ERBB4: variants seen among roughly 807,000 people sequenced by gnomAD.
ERBB4 encodes the protein receptor tyrosine-protein kinase erbB-4.
In ERBB4, 42 loss-of-function variants were observed where a neutral mutation model predicts 158.0. The observed-to-expected ratio is 0.27, with a 90% CI of 0.21 to 0.34. The LOEUF is 0.34. ERBB4 is among the 10% of genes least tolerant of loss of function. ERBB4 has a pLI of 1.00. For missense variants in ERBB4, 1,333 were observed against 1,624.1 expected (o/e 0.82, Z 3.08); for synonymous variants, 583 against 558.7 (o/e 1.04, Z -0.61).
intron 1 of ERBB4, among the ~76,000 whole-genome samples, chr2:212,231,993 G>A (rs78695791): frequency 0.025 from 3,731 of 151,884 alleles, 116 homozygotes; most frequent in African/African-American, 0.077. Context: ...TGTGTACTTC[G>A]CCTCAGATGA....
At chr2:212,277,989 C>T (rs559158050) in intron 1 of ERBB4, among the ~76,000 whole-genome samples, 1 of 151,638 alleles carries the variant, frequency 6.6e-6, no homozygotes, top group South Asian at 2.1e-4. Context: ...CTCCGGACTT[C>T]ACTGGGATAA....
At chr2:211,542,753 G>C (rs2066844451) in intron 20 of ERBB4, among the ~76,000 whole-genome samples, 1 of 151,672 alleles carries the variant, frequency 6.6e-6, no homozygotes, top group South Asian at 2.1e-4. Flanking sequence ...AAATAAACAA[G>C]GATAAATTTT....
At chr2:212,519,974 C>T (rs1575073051) in intron 1 of ERBB4, among the ~76,000 whole-genome samples, 1 of 151,798 alleles carries the variant, frequency 6.6e-6, no homozygotes, top group East Asian at 1.9e-4. Context: ...GTTAATTATT[C>T]TAATTTAATT....
intron 2 of ERBB4, among the ~76,000 whole-genome samples, chr2:211,958,504 T>C (rs2081090681): frequency 6.6e-6 from 1 of 152,142 alleles, no homozygotes; most frequent in South Asian, 2.1e-4. Context: ...TTATGTCTTC[T>C]GTCACCTACT....
chr2:212,221,592 G>A (rs1302239748), intron 1 of ERBB4, among the ~76,000 whole-genome samples: 4 of 151,454 alleles, frequency 2.6e-5, no homozygotes, highest in Admixed American at 6.6e-5. Flanking sequence ...CTCATTTAAA[G>A]GTCCTCCCCC....
Position 211,673,979 on chromosome 2 carries a change from T to A in ERBB4, c.1623-722A>T, listed in dbSNP as rs183303741. Among the ~76,000 whole-genome samples the A allele has an allele frequency of 8.5e-5, 13 of 152,250 alleles. No homozygotes were observed. In the East Asian group the frequency reaches 2.3e-3, roughly 27 times the overall value. On this transcript the variant is annotated intron_variant, in intron 13 of 27. Transcript: ENST00000342788. ...TAATTGAAATCTCCTGGGATGGTGG[T>A]CATCCCTTCCTATATCCTTACATTT...
chr2:211,796,468 C>T (rs58352022), intron 3 of ERBB4, among the ~76,000 whole-genome samples: 30,510 of 151,788 alleles, frequency 0.2, 3,669 homozygotes, highest in Non-Finnish European at 0.28. Flanking sequence ...ATTTATGTTG[C>T]GTGTATACCT....
chr2:211,726,102 T>C (rs183579705), intron 5 of ERBB4, among the ~76,000 whole-genome samples: 44 of 152,336 alleles, frequency 2.9e-4, no homozygotes, highest in Middle Eastern at 6.8e-3. Flanking sequence ...AGGATATGTA[T>C]AGTATATCAC....
At chr2:211,449,279 T>A (rs1300791910) in intron 20 of ERBB4, among the ~76,000 whole-genome samples, 1 of 152,182 alleles carries the variant, frequency 6.6e-6, no homozygotes, top group African/African-American at 2.4e-5. Context: ...CTGAAACTGG[T>A]ATGAAAATAA....
intron 20 of ERBB4, among the ~76,000 whole-genome samples, chr2:211,456,672 T>C (rs563674048): frequency 1.3e-5 from 2 of 152,266 alleles, no homozygotes; most frequent in East Asian, 3.9e-4. Context: ...GAAGACAATT[T>C]TTCCATGGAT....
At chr2:212,508,573 T>C (rs1184205512) in intron 1 of ERBB4, among the ~76,000 whole-genome samples, 1 of 151,686 alleles carries the variant, frequency 6.6e-6, no homozygotes, top group Non-Finnish European at 1.5e-5. Context: ...GAAAAACTTA[T>C]ATAAGAATCA....
intron 17 of ERBB4, 45 bp from the exon 18 acceptor site, chr2:211,624,089 A>G (rs2069741372): frequency 1.2e-6 from 2 of 1,612,000 alleles, no homozygotes; most frequent in Non-Finnish European, 1.7e-6. Context: ...TCCGATAGTC[A>G]GTCCTCTCTC....
At chr2:212,151,219 T>C (rs1171165502) in intron 1 of ERBB4, among the ~76,000 whole-genome samples, 1 of 151,612 alleles carries the variant, frequency 6.6e-6, no homozygotes. Context: ...AAATATGTTC[T>C]AATCTCTTTG....
intron 2 of ERBB4, among the ~76,000 whole-genome samples, chr2:212,089,075 A>G (rs192947207): frequency 5.9e-5 from 9 of 152,298 alleles, no homozygotes; most frequent in African/African-American, 2.2e-4. Flanking sequence ...CATGTATATT[A>G]ATTTTGTCAA....
intron 19 of ERBB4, among the ~76,000 whole-genome samples, chr2:211,597,906 G>A (rs1322658313): frequency 6.6e-6 from 1 of 152,062 alleles, no homozygotes; most frequent in Admixed American, 6.6e-5. Context: ...ATCTTTGTAT[G>A]TTATTATTTG....
intron 14 of ERBB4, among the ~76,000 whole-genome samples, chr2:211,667,960 T>G (rs958987023): frequency 2.0e-5 from 3 of 152,178 alleles, no homozygotes; most frequent in South Asian, 4.1e-4. Context: ...AATGCATCAT[T>G]AGGTGATTTC....
intron 1 of ERBB4, among the ~76,000 whole-genome samples, chr2:212,240,217 T>A (rs2084032622): frequency 6.6e-6 from 1 of 152,162 alleles, no homozygotes; most frequent in South Asian, 2.1e-4. Context: ...ATATGGTACC[T>A]TGGCTTTTTA....
At chr2:211,817,830 T>C (rs1433791491) in intron 3 of ERBB4, among the ~76,000 whole-genome samples, 1 of 152,146 alleles carries the variant, frequency 6.6e-6, no homozygotes, top group Non-Finnish European at 1.5e-5. Flanking sequence ...ATTGTACACA[T>C]GACAGCAACA....
chr2:211,616,083 C>A (rs1416600629), intron 19 of ERBB4, among the ~76,000 whole-genome samples: 1 of 152,080 alleles, frequency 6.6e-6, no homozygotes, highest in East Asian at 1.9e-4. Flanking sequence ...GACCCCCACC[C>A]ACCTTTCTTT....
Sources: allele counts gnomAD v4.1 joint callset (sites outside exome capture counted in the v4.1 genomes callset), GRCh38; gene constraint gnomAD v4.1.1; transcripts MANE v1.5; gene names NCBI Gene and HGNC (gene_info 2026-07-23, HGNC 2026-07-21).